Variants in FECH observed in about 807,000 individuals in gnomAD.
FECH encodes ferrochelatase, also known as ferrochelatase, mitochondrial.
FECH carries 40 observed loss-of-function variants against 56.9 expected under a neutral mutation model. The ratio of observed to expected loss-of-function variants is 0.70; its 90% CI spans 0.55 to 0.92. The LOEUF (loss-of-function observed/expected upper bound fraction) is 0.92, where lower values mean the gene tolerates loss of function less well. FECH is among the 40% of genes least tolerant of loss of function. The pLI is 0.00. For synonymous variants in FECH, 175 were observed against 198.6 expected, an observed-to-expected ratio of 0.88 and a Z score of 1.00; for missense variants, 431 against 529.1, an observed-to-expected ratio of 0.81 and a Z score of 1.82.
rs2050729477 is a variant in FECH at position 57,547,010 on chromosome 18, C to T, written c.*3702G>A. Among the ~76,000 whole-genome samples, 1 of 151,626 alleles carries T rather than the reference C, an allele frequency of 6.6e-6. No homozygotes were observed. Among genetic ancestry groups the T allele is most frequent in the African/African-American group, 2.4e-5 (1 of 41,220 alleles). ...AGTGCCCTGCCGGGTTTCAGACTTG[C>T]ACAGTGGAGTGCAGTGGTGCATGGG... is the stretch of plus-strand genomic sequence containing the variant. On this transcript the variant is annotated 3_prime_UTR_variant, in exon 11 of 11. Transcript: ENST00000262093.
chr18:57,566,374 T>A (rs922268321), intron 5 of FECH, 73 bp downstream of exon 5: 14 of 1,602,132 alleles, frequency 8.7e-6, no homozygotes, highest in Admixed American at 8.3e-5. Context: ...ATCCTTCCCT[T>A]CAGTACTTAG....
rs1360134107 is a variant in FECH at position 57,547,730 on chromosome 18, T to C, written c.*2982A>G. On this transcript the variant is annotated 3_prime_UTR_variant, in exon 11 of 11. Coordinates refer to ENST00000262093, the MANE Select transcript of FECH (RefSeq NM_000140.5). ...TCACTGCAACCTCAAACTGCTGGGC[T>C]CAAGCAATCCTACCACCTCAGCCTC... 6.6e-6 allele frequency among the ~76,000 whole-genome samples: 1 copy of C among 152,064 alleles called. No individual in the cohort carries two copies. Among genetic ancestry groups the C allele is most frequent in the East Asian group, 1.9e-4 (1 of 5,164 alleles).
rs757166792 is a variant in FECH at position 57,554,287 on chromosome 18, G to A, written c.1050C>T (p.Ile350=). Residue 350 remains isoleucine, a synonymous_variant, in exon 9 of 11, where the codon ATC becomes ATT. Transcript: ENST00000262093. ...DHIETLYELD[I]EYSQVLAKEC... ...CCTTGGCTAAAACTTGAGAGTACTC[G>A]ATGTCCAGCTCATACAGCGTTTCAA... 2.5e-6 allele frequency: 4 copies of A among 1,614,194 alleles called. No homozygotes were observed. The highest frequency in any genetic ancestry group is 2.2e-5 in the East Asian group (1 of 44,892).
chr18:57,563,053 A>G (rs766025340), intron 5 of FECH, 73 bp from the exon 6 acceptor site: 132 of 1,185,206 alleles, frequency 1.1e-4, no homozygotes, highest in Non-Finnish European at 1.6e-4. Flanking sequence ...TCGTAAAGGT[A>G]GTATATATAA....
chr18:57,559,930 G>A (rs2050920199), intron 6 of FECH, among the ~76,000 whole-genome samples: 1 of 152,180 alleles, frequency 6.6e-6, no homozygotes, highest in African/African-American at 2.4e-5. Context: ...CACCAGACCA[G>A]GGAGCTCCCT....
chr18:57,576,228 A>G (rs574593738), intron 2 of FECH, among the ~76,000 whole-genome samples: 5 of 152,340 alleles, frequency 3.3e-5, no homozygotes, highest in African/African-American at 1.2e-4. Context: ...CCCTATTGAG[A>G]ATCACTGTCT....
chr18:57,566,503 C>A lies in FECH; in HGVS notation c.542G>T (p.Gly181Val), dbSNP rs772798239. 6.2e-6 allele frequency: 10 copies of A among 1,614,184 alleles called. No individual in the cohort carries two copies. In the South Asian group the frequency reaches 1.1e-4, roughly 18 times the overall value. The part of the protein sequence containing the change: ...EEAIEEMERD[G>V]LERAIAFTQY... ...TGTGAAAGCAATAGCCCTTTCTAGG[C>A]CATCTCTCTCCATCTCTTCAATTGC... The change falls in exon 5 of 11, where the codon GGC becomes GTC. Residue 181 changes from glycine to valine, a missense_variant. Gly to Val is a moderately radical substitution (Grantham distance 109). Transcript: ENST00000262093.
chr18:57,559,384 G>T, intron 6 of FECH, 141 bp from the exon 7 acceptor site: 1 of 647,444 alleles, frequency 1.5e-6, no homozygotes, highest in Non-Finnish European at 2.8e-6. Flanking sequence ...TTAAAAAATT[G>T]CAAACAGTCC....
At chr18:57,557,638 A>T (rs1371861262) in intron 7 of FECH, among the ~76,000 whole-genome samples, 1 of 152,190 alleles carries the variant, frequency 6.6e-6, no homozygotes, top group Non-Finnish European at 1.5e-5. Context: ...TCTACTAAAA[A>T]TACAAAAAAT....
chr18:57,579,172 C>T (rs1382647872), intron 2 of FECH, among the ~76,000 whole-genome samples: 2 of 149,006 alleles, frequency 1.3e-5, no homozygotes, highest in East Asian at 2.0e-4. Context: ...TGCTTGAACC[C>T]GGGAGGTGGA....
intron 2 of FECH, among the ~76,000 whole-genome samples, chr18:57,577,083 A>G (rs1018681806): frequency 6.6e-6 from 1 of 152,220 alleles, no homozygotes; most frequent in East Asian, 1.9e-4. Context: ...CAATTAATAA[A>G]CAATAATTCT....
Position 57,558,824 on chromosome 18 carries a change from G to C in FECH, c.804+321C>G, listed in dbSNP as rs140234888. ...TAATCCCAGCTACTTGGGAGGCTGA[G>C]GCAAGAGAACTGCTTGAGCCCATGA... On this transcript the variant is annotated intron_variant, in intron 7 of 10. Coordinates refer to ENST00000262093, the MANE Select transcript of FECH (RefSeq NM_000140.5). Among the ~76,000 whole-genome samples the C allele has an allele frequency of 2.0e-3, 297 of 152,270 alleles. 1 individual carries two copies. Among genetic ancestry groups the C allele is most frequent in the African/African-American group, 6.7e-3 (277 of 41,550 alleles).
chr18:57,576,545 A>T (rs912087170), intron 2 of FECH, among the ~76,000 whole-genome samples: 2 of 152,220 alleles, frequency 1.3e-5, no homozygotes, highest in African/African-American at 4.8e-5. Flanking sequence ...GGTTAAAAAA[A>T]CCTCAGGCTA....
intron 1 of FECH, among the ~76,000 whole-genome samples, chr18:57,583,068 T>G (rs2051309991): frequency 2.0e-5 from 3 of 152,170 alleles, no homozygotes; most frequent in Admixed American, 2.0e-4. Context: ...GTTCACCAGA[T>G]TCTCAGAGAG....
intron 2 of FECH, among the ~76,000 whole-genome samples, chr18:57,579,289 A>ATGTGTGTGTGTGTG (rs71171043): frequency 3.1e-4 from 44 of 141,992 alleles, no homozygotes; most frequent in Non-Finnish European, 4.0e-4. Context: ...GTGTGTATAT[A>ATGTGTGTGTGTGTG]TGTGTGTGTG....
At chr18:57,552,691 C>T (rs2050815333) in intron 9 of FECH, among the ~76,000 whole-genome samples, 1 of 152,208 alleles carries the variant, frequency 6.6e-6, no homozygotes, top group Non-Finnish European at 1.5e-5. Flanking sequence ...TGAACCACCA[C>T]ACCTGGCCTC....
rs2050732870 is a variant in FECH at position 57,547,334 on chromosome 18, C to T, written c.*3378G>A. Among the ~76,000 whole-genome samples, 1 of 152,098 alleles carries T rather than the reference C, an allele frequency of 6.6e-6. No individual in the cohort carries two copies. Among genetic ancestry groups the T allele is most frequent in the East Asian group, 1.9e-4 (1 of 5,178 alleles). ...TGATATGATTTGGCTCTGTTCCCCA[C>T]CCAAATCTCATTTCAAATTGTAATC... On this transcript the variant is annotated 3_prime_UTR_variant, in exon 11 of 11. Coordinates refer to ENST00000262093, the MANE Select transcript of FECH (RefSeq NM_000140.5).
intron 2 of FECH, among the ~76,000 whole-genome samples, chr18:57,577,955 A>AG (rs961332487): frequency 1.4e-5 from 2 of 147,670 alleles, no homozygotes; most frequent in Admixed American, 6.7e-5. Context: ...TAATGTTTTA[A>AG]GGTTTTTTTT....
intron 5 of FECH, among the ~76,000 whole-genome samples, chr18:57,563,604 A>AAAAAAAAAAAAT (rs2050976313): frequency 8.7e-5 from 13 of 149,296 alleles, no homozygotes; most frequent in East Asian, 2.0e-4. Flanking sequence ...AAAAAAAAAA[A>AAAAAAAAAAAAT]GTATGTTATT....
Sources: allele counts gnomAD v4.1 joint callset (sites outside exome capture counted in the v4.1 genomes callset), GRCh38; gene constraint gnomAD v4.1.1; transcripts MANE v1.5; gene names NCBI Gene and HGNC (gene_info 2026-07-23, HGNC 2026-07-21).